Variants in ANKRD24 observed in about 807,000 individuals in gnomAD.
ANKRD24 encodes ankyrin repeat domain 24, also known as ankyrin repeat domain-containing protein 24.
In ANKRD24, 109 loss-of-function variants were observed where a neutral mutation model predicts 127.8. The ratio of observed to expected loss-of-function variants is 0.85; its 90% CI spans 0.73 to 1.00. The LOEUF is 1.00. Ranked by LOEUF, ANKRD24 falls within the 50% of genes least tolerant of loss-of-function variation. The pLI is 0.00. For synonymous variants in ANKRD24, 743 were observed against 671.1 expected, an observed-to-expected ratio of 1.11 and a Z score of -1.66; for missense variants, 1,648 against 1,570.2, an observed-to-expected ratio of 1.05 and a Z score of -0.84.
At chr19:4,215,663 T>C (rs1205973810) in intron 15 of ANKRD24, among the ~76,000 whole-genome samples, 1 of 151,034 alleles carries the variant, frequency 6.6e-6, no homozygotes, top group African/African-American at 2.4e-5. Context: ...TAGTCCCAGC[T>C]GCTTGGAAGG....
At position 4,203,296 on chromosome 19, in the gene ANKRD24, G is replaced by A. The variant is rs995320406; in HGVS notation, c.466+370G>A. On this transcript the variant is annotated intron_variant, in intron 7 of 21. Transcript: ENST00000318934. ...ACTCCTGACCTCAGGTGATCCACCC[G>A]CCTTGGCCTCCCAAAGTGCTGGGAT... 1.1e-4 allele frequency among the ~76,000 whole-genome samples: 17 copies of A among 152,028 alleles called. No homozygotes were observed. The South Asian group carries it at 1.5e-3, about 13-fold the overall frequency.
intron 7 of ANKRD24, among the ~76,000 whole-genome samples, chr19:4,206,946 C>A (rs1352097474): frequency 1.3e-5 from 2 of 152,112 alleles, no homozygotes; most frequent in Admixed American, 6.6e-5. Context: ...CACTCTGTCA[C>A]CCAGGCTGGT....
intron 2 of ANKRD24, among the ~76,000 whole-genome samples, chr19:4,191,568 G>A (rs992147262): frequency 4.6e-5 from 7 of 151,708 alleles, no homozygotes; most frequent in Non-Finnish European, 8.8e-5. Flanking sequence ...TGCAAGCTCC[G>A]CCTCCCGGGT....
chr19:4,223,401 A>ATATTTTTTT (rs1192232980), intron 20 of ANKRD24, among the ~76,000 whole-genome samples: 1 of 53,344 alleles, frequency 1.9e-5, no homozygotes, highest in African/African-American at 9.5e-5. Context: ...ATATATATAT[A>ATATTTTTTT]TTTTTTTTTT....
intron 7 of ANKRD24, among the ~76,000 whole-genome samples, chr19:4,205,874 G>C (rs1352984509): frequency 6.6e-6 from 1 of 151,774 alleles, no homozygotes; most frequent in Non-Finnish European, 1.5e-5. Context: ...CGGGTGCGGT[G>C]GCTCACGCCT....
At chr19:4,206,104 T>A (rs1969366207) in intron 7 of ANKRD24, among the ~76,000 whole-genome samples, 1 of 151,956 alleles carries the variant, frequency 6.6e-6, no homozygotes. Context: ...ATCGGGCCAC[T>A]GCACTCCAGC....
At position 4,195,816 on chromosome 19, in the gene ANKRD24, C is replaced by A. The variant is rs1319022343; in HGVS notation, c.37-3867C>A. ...AGCTGAAGCAGGAGAATTGCTTGAA[C>A]CCGGGAGGCAGAGCTTGCAGTGAGC... On this transcript the variant is annotated intron_variant, in intron 2 of 21. Coordinates refer to ENST00000318934, the MANE Select transcript of ANKRD24 (RefSeq NM_001393985.1). The surrounding 1 kb of genome is among the most constrained non-coding windows in gnomAD (Gnocchi z 4.2). Among the ~76,000 whole-genome samples the A allele has an allele frequency of 6.6e-6, 1 of 152,206 alleles. No individual in the cohort carries two copies. Among genetic ancestry groups the A allele is most frequent in the African/African-American group, 2.4e-5 (1 of 41,458 alleles).
chr19:4,209,946 TG>T (rs1969613134), intron 11 of ANKRD24, 111 bp from the exon 12 acceptor site: 1 of 649,792 alleles, frequency 1.5e-6, no homozygotes. Flanking sequence ...GCTGGTTCCA[TG>T]TTCTCAGGAA....
At chr19:4,212,856 G>T (rs536085879) in intron 15 of ANKRD24, among the ~76,000 whole-genome samples, 158 bp downstream of exon 15, 1 of 152,278 alleles carries the variant, frequency 6.6e-6, no homozygotes, top group East Asian at 1.9e-4. Flanking sequence ...GTCTTGGCTG[G>T]GTGCGAGGGC....
chr19:4,199,696 C>G lies in ANKRD24; in HGVS notation c.50C>G (p.Pro17Arg), dbSNP rs763005665. Residue 17 changes from proline (P) to arginine (R), a missense_variant, in exon 3 of 22, where the codon CCC becomes CGC. Coordinates refer to ENST00000318934, the MANE Select transcript of ANKRD24 (RefSeq NM_001393985.1). The surrounding 1 kb of genome is among the most constrained non-coding windows in gnomAD (Gnocchi z 5.2). ...RFKKTELRLS[P>R]TDLGSCPPCG... ...CTCCCCCTGCAGCTGCGGCTCAGCC[C>G]CACTGACCTTGGCTCCTGCCCGCCC... 2 of 1,537,722 alleles carry G rather than the reference C, an allele frequency of 1.3e-6. No homozygotes were observed. The highest frequency in any genetic ancestry group is 1.2e-5 in the South Asian group (1 of 83,712).
At position 4,199,584 on chromosome 19, in the gene ANKRD24, G is replaced by A. The variant is rs1968964199; in HGVS notation, c.37-99G>A. 6.9e-7 allele frequency: 1 copy of A among 1,440,174 alleles called. No individual in the cohort carries two copies. The highest frequency in any genetic ancestry group is 9.1e-7 in the Non-Finnish European group (1 of 1,101,118). 89.2% of individuals were successfully genotyped at this position (1,440,174 alleles called of 1,614,324 possible). On this transcript the variant is annotated intron_variant, in intron 2 of 21. Transcript: ENST00000318934. The surrounding 1 kb of genome is among the most constrained non-coding windows in gnomAD (Gnocchi z 5.2). The stretch of plus-strand genomic sequence containing the variant: ...TGATGCTGGTGGTGGGCTTTTGTTG[G>A]ACAACTGGGGTGATGGGCCTGGGGG...
At position 4,223,372 on chromosome 19, in the gene ANKRD24, CATATATATAT is replaced by C. The variant is rs59994305; in HGVS notation, c.3297+598_3297+607del. 7.2e-3 allele frequency among the ~76,000 whole-genome samples: 528 copies of C among 72,834 alleles called. 10 individuals are homozygous for C. Among genetic ancestry groups the C allele is most frequent in the Middle Eastern group, 0.017 (2 of 120 alleles). 47.8% of individuals were successfully genotyped at this position (72,834 alleles called of 152,430 possible). ...CAACCTCCCAAAGTGCCTGGCCATA[CATATATATAT>C]ATATATATATATATATATATTTTTT... is the stretch of plus-strand genomic sequence containing the variant. On this transcript the variant is annotated intron_variant, in intron 20 of 21. Transcript: ENST00000318934.
intron 2 of ANKRD24, among the ~76,000 whole-genome samples, chr19:4,187,139 G>A (rs553002123): frequency 2.0e-5 from 3 of 151,946 alleles, no homozygotes; most frequent in East Asian, 1.9e-4. Context: ...AGGGCTGGGC[G>A]TGGTGGCTCA....
At chr19:4,216,163 C>T (rs533606759) in intron 16 of ANKRD24, 113 bp downstream of exon 16, 73 of 1,344,472 alleles carry the variant, frequency 5.4e-5, no homozygotes, top group Admixed American at 1.2e-4. Context: ...TGTACTCATC[C>T]GTTTTTTAAA....
In ANKRD24 at chr19:4,198,560, C is replaced by A; in HGVS notation, c.37-1123C>A. ...AGGGCCCGGGGAGGGGGCGCAGGAG[C>A]GGGCGGGGCGCGGGTACCTCCTCTC... On this transcript the variant is annotated intron_variant, in intron 2 of 21. Transcript: ENST00000318934. This position sits in a 1 kb window ranked among gnomAD's most constrained non-coding sequence, Gnocchi z 6.1. 3.8e-6 allele frequency: 2 copies of A among 531,930 alleles called. No individual in the cohort carries two copies. The highest frequency in any genetic ancestry group is 6.7e-6 in the Non-Finnish European group (2 of 299,126). 33.0% of individuals were successfully genotyped at this position (531,930 alleles called of 1,614,324 possible).
chr19:4,212,870 C>T (rs1406901165), intron 15 of ANKRD24, among the ~76,000 whole-genome samples, 172 bp downstream of exon 15: 5 of 152,172 alleles, frequency 3.3e-5, no homozygotes, highest in Non-Finnish European at 7.4e-5. Flanking sequence ...CGAGGGCTTA[C>T]GCCTGTCATC....
At chr19:4,183,620 A>T (rs901193335) in intron 1 of ANKRD24, 1 of 152,622 alleles carries the variant, frequency 6.6e-6, no homozygotes, top group Non-Finnish European at 1.5e-5. Flanking sequence ...GCAAAGATCT[A>T]AAAAGTGAGT....
Position 4,205,057 on chromosome 19 carries a change from G to T in ANKRD24, c.466+2131G>T, listed in dbSNP as rs929047884. 2.6e-5 allele frequency among the ~76,000 whole-genome samples: 4 copies of T among 152,206 alleles called. No individual in the cohort carries two copies. The East Asian group carries it at 7.7e-4, about 29-fold the overall frequency. On this transcript the variant is annotated intron_variant, in intron 7 of 21. Transcript: ENST00000318934. Reference sequence around the variant, plus strand: ...TCAAGACCATCCTGGCCAACACGGTGAAACCCTGTCTCTACTAAACAATGC... The same window carrying T: ...TCAAGACCATCCTGGCCAACACGGTTAAACCCTGTCTCTACTAAACAATGC...
rs1375319970 is a variant in ANKRD24, at chr19:4,217,261, G to A, written c.2101G>A (p.Val701Ile). 4.4e-6 allele frequency: 7 copies of A among 1,574,438 alleles called. No individual in the cohort carries two copies. Among genetic ancestry groups the A allele is most frequent in the Non-Finnish European group, 5.2e-6 (6 of 1,160,266 alleles). ...GVENPGVEAT[V>I]PGISAGPILH... ...GGAGAACCCAGGGGTAGAGGCCACG[G>A]TCCCGGGGATCTCTGCTGGCCCCAT... Residue 701 changes from valine (V) to isoleucine (I), a missense_variant, in exon 18 of 22, where the codon GTC becomes ATC. By Grantham distance (29) the Val-to-Ile change is conservative. Transcript: ENST00000318934.
Sources: allele counts gnomAD v4.1 joint callset (sites outside exome capture counted in the v4.1 genomes callset), GRCh38; gene constraint gnomAD v4.1.1; non-coding constraint Gnocchi (gnomAD v3.1); transcripts MANE v1.5; gene names NCBI Gene and HGNC (gene_info 2026-07-23, HGNC 2026-07-21).